Variants in PARP16 observed in about 807,000 individuals in gnomAD.
PARP16 encodes poly(ADP-ribose) polymerase family member 16, also known as protein mono-ADP-ribosyltransferase PARP16.
Under a neutral mutation model 35.0 loss-of-function variants are expected in PARP16, and 31 were observed. That is an observed-to-expected ratio of 0.88 (90% CI 0.66 to 1.19). The LOEUF is 1.19. PARP16 is among the 50% of genes most tolerant of loss of function. The pLI is 0.00. For synonymous variants in PARP16, 162 were observed against 169.5 expected (o/e 0.96, Z 0.34); for missense variants, 424 against 411.2 (o/e 1.03, Z -0.27).
At chr15:65,268,483 T>C (rs772881724) in intron 2 of PARP16, among the ~76,000 whole-genome samples, 15 of 152,240 alleles carry the variant, frequency 9.9e-5, no homozygotes, top group South Asian at 2.1e-4. Flanking sequence ...TCTGGCTCTG[T>C]CGCCCAGGCT....
rs2089586417 is a variant in PARP16, at chr15:65,258,533, A to G, written c.*874T>C. On this transcript the variant is annotated 3_prime_UTR_variant, in exon 6 of 6. Transcript: ENST00000649807. ...GAGAATGAGAACAGGAGGCGAGCCT[A>G]TAGCTCAAATCCCTTTCTCTAAAAC... 6.6e-6 allele frequency: 1 copy of G among 152,350 alleles called. No individual in the cohort carries two copies. The highest frequency in any genetic ancestry group is 2.4e-5 in the African/African-American group (1 of 41,478). The allele number at this position is 152,350 out of a possible 1,614,324, so 9.4% of individuals were successfully genotyped here.
intron 3 of PARP16, among the ~76,000 whole-genome samples, chr15:65,242,939 T>C (rs1468078068): frequency 6.6e-6 from 1 of 152,092 alleles, no homozygotes; most frequent in Non-Finnish European, 1.5e-5. Flanking sequence ...GGTCTCGAAC[T>C]CCTGACCTCA....
intron 2 of PARP16, 143 bp downstream of exon 2, chr15:65,270,792 G>C: frequency 1.3e-6 from 1 of 776,954 alleles, no homozygotes; most frequent in Non-Finnish European, 2.1e-6. Flanking sequence ...GAACTAGAAA[G>C]TCTAAAGGTG....
Position 65,242,726 on chromosome 15 carries a change from A to T in PARP16, c.*97+5391T>A, listed in dbSNP as rs551025811. On this transcript the variant is annotated intron_variant and NMD_transcript_variant, in intron 3 of 3. Transcript: ENST00000559805. ...ATTCATTTTATTTATTTATTTATTTATTTTTTGAGATGGAGTCCTGCTCGG... is the reference window on the plus strand; with the variant it reads ...ATTCATTTTATTTATTTATTTATTTTTTTTTTGAGATGGAGTCCTGCTCGG... Among the ~76,000 whole-genome samples the T allele has an allele frequency of 3.3e-5, 5 of 151,972 alleles. No homozygotes were observed. In the South Asian group the frequency reaches 8.3e-4, roughly 25 times the overall value.
intron 3 of PARP16, chr15:65,248,055 C>A (rs551874000): frequency 3.1e-4 from 127 of 412,458 alleles, no homozygotes; most frequent in Middle Eastern, 1.5e-3. Flanking sequence ...CCGCCCGCCT[C>A]GGCCTCCCAA....
At chr15:65,260,514 A>G (rs907787366) in intron 5 of PARP16, among the ~76,000 whole-genome samples, 1 of 152,206 alleles carries the variant, frequency 6.6e-6, no homozygotes, top group African/African-American at 2.4e-5. Flanking sequence ...CAGCCTGTGC[A>G]CAATCACAAC....
chr15:65,266,087 C>T (rs562648452), intron 3 of PARP16, among the ~76,000 whole-genome samples: 1 of 152,198 alleles, frequency 6.6e-6, no homozygotes, highest in Admixed American at 6.5e-5. Flanking sequence ...CACCACCATG[C>T]CCGGCTAATT....
chr15:65,266,296 A>G lies in PARP16; in HGVS notation c.519+266T>C, dbSNP rs556772634. Among the ~76,000 whole-genome samples, 4 of 152,326 alleles carry G rather than the reference A, an allele frequency of 2.6e-5. No homozygotes were observed. The South Asian group carries it at 8.3e-4, about 32-fold the overall frequency. ...TCTTTAAATCGACGCTTTTCAAACT[A>G]TAACCAGTGCAGGAATCACCTAGAG... On this transcript the variant is annotated intron_variant, in intron 3 of 5. Transcript: ENST00000649807.
chr15:65,282,064 T>G (rs2090436952), intron 1 of PARP16, among the ~76,000 whole-genome samples: 1 of 152,122 alleles, frequency 6.6e-6, no homozygotes, highest in Non-Finnish European at 1.5e-5. Context: ...CAGAATGGAG[T>G]GCAGTGGCAC....
intron 1 of PARP16, among the ~76,000 whole-genome samples, chr15:65,284,502 C>T (rs909880377): frequency 2.0e-5 from 3 of 151,918 alleles, no homozygotes; most frequent in African/African-American, 7.3e-5. Context: ...GCATGCACCA[C>T]CATAATGGTG....
At chr15:65,265,960 ACT>A (rs1225767224) in intron 3 of PARP16, among the ~76,000 whole-genome samples, 1 of 152,020 alleles carries the variant, frequency 6.6e-6, no homozygotes, top group South Asian at 2.1e-4. Context: ...ATGGAGTCTC[ACT>A]CTGTCACCTA....
At chr15:65,278,154 A>C (rs1313649485) in intron 1 of PARP16, among the ~76,000 whole-genome samples, 1 of 152,230 alleles carries the variant, frequency 6.6e-6, no homozygotes, top group Non-Finnish European at 1.5e-5. Context: ...GAGGTAAAGA[A>C]AATGAGTAAC....
At chr15:65,239,459 A>G (rs1438688171) in intron 3 of PARP16, among the ~76,000 whole-genome samples, 5 of 126,124 alleles carry the variant, frequency 4.0e-5, no homozygotes, top group Non-Finnish European at 6.8e-5. Context: ...AAAAAGAGAG[A>G]AAAGAAAAAA....
At position 65,286,646 on chromosome 15, in the gene PARP16, A is replaced by C; in HGVS notation, c.-220T>G. The C allele has an allele frequency of 3.3e-6, 1 of 306,272 alleles. No homozygotes were observed. The highest frequency in any genetic ancestry group is 6.7e-5 in the South Asian group (1 of 14,852). The allele number at this position is 306,272 out of a possible 1,614,324, so 19.0% of individuals were successfully genotyped here. A position where few individuals can be genotyped will look rare whatever the true frequency, so the allele number is the denominator to read the frequency against. ...CCGCGGCTCGCCGCCGAAGAGAGAG[A>C]CCGAGGCCTGGACCGCGGGTCGGCG... On this transcript the variant is annotated 5_prime_UTR_variant, in exon 1 of 6. Coordinates refer to ENST00000649807, the MANE Select transcript of PARP16 (RefSeq NM_001316943.2).
At chr15:65,269,200 C>CTCTCTCTCTCT (rs1567029638) in intron 2 of PARP16, among the ~76,000 whole-genome samples, 1 of 146,000 alleles carries the variant, frequency 6.8e-6, no homozygotes, top group African/African-American at 2.7e-5. Flanking sequence ...TTCTTTCTTT[C>CTCTCTCTCTCT]TTTCTTTTTT....
chr15:65,251,731 C>G (rs1249453951), intron 2 of PARP16, among the ~76,000 whole-genome samples: 1 of 151,798 alleles, frequency 6.6e-6, no homozygotes, highest in Admixed American at 6.6e-5. Flanking sequence ...TGATGAGATA[C>G]TAGTTGGGTC....
At chr15:65,252,154 G>A (rs2089379472) in intron 2 of PARP16, among the ~76,000 whole-genome samples, 1 of 152,176 alleles carries the variant, frequency 6.6e-6, no homozygotes, top group African/African-American at 2.4e-5. Context: ...CTTGTAGAGT[G>A]TGTGAGTGGA....
downstream of PARP16, among the ~76,000 whole-genome samples, chr15:65,257,632 A>G (rs2089556512): frequency 7.0e-6 from 1 of 143,702 alleles, no homozygotes; most frequent in African/African-American, 2.7e-5. Context: ...TCTGTCTCAA[A>G]AAAAAAAAAA....
chr15:65,280,145 G>A (rs1217542983), intron 1 of PARP16, among the ~76,000 whole-genome samples: 2 of 152,034 alleles, frequency 1.3e-5, no homozygotes, highest in South Asian at 4.2e-4. Context: ...CCTTAGAAAG[G>A]TTAGCCATGA....
Sources: allele counts gnomAD v4.1 joint callset (sites outside exome capture counted in the v4.1 genomes callset), GRCh38; gene constraint gnomAD v4.1.1; transcripts MANE v1.5; gene names NCBI Gene and HGNC (gene_info 2026-07-23, HGNC 2026-07-21).